PSG6: variants seen among roughly 807,000 people sequenced by gnomAD.
PSG6 encodes pregnancy specific beta-1-glycoprotein 6, also known as pregnancy-specific beta-1-glycoprotein 6.
PSG6 carries 51 observed loss-of-function variants against 43.3 expected under a neutral mutation model. The ratio of observed to expected loss-of-function variants is 1.18; its 90% CI spans 0.94 to 1.49. The LOEUF (loss-of-function observed/expected upper bound fraction) is 1.49, where lower values mean the gene tolerates loss of function less well. Among genes scored for constraint, PSG6 ranks in the 40% most tolerant of loss-of-function variants. The pLI, the probability that PSG6 is intolerant of heterozygous loss-of-function variation, is 0.00. For missense variants in PSG6, 770 were observed against 522.2 expected (o/e 1.47, Z -4.62); for synonymous variants, 292 against 197.6 (o/e 1.48, Z -4.01).
At chr19:42,915,071 G>T (rs1417686748) in intron 2 of PSG6, among the ~76,000 whole-genome samples, 4 of 151,560 alleles carry the variant, frequency 2.6e-5, no homozygotes, top group African/African-American at 9.7e-5. Flanking sequence ...TGACTATGGG[G>T]TCCTTGGAAC....
At chr19:42,905,403 A>G (rs989618618) in intron 5 of PSG6, among the ~76,000 whole-genome samples, 5 of 151,704 alleles carry the variant, frequency 3.3e-5, no homozygotes, top group African/African-American at 9.7e-5. Flanking sequence ...AACAACAACA[A>G]TGACAGCAAC....
At chr19:42,913,962 C>T (rs1255724079) in intron 2 of PSG6, among the ~76,000 whole-genome samples, 4 of 151,742 alleles carry the variant, frequency 2.6e-5, no homozygotes, top group Non-Finnish European at 5.9e-5. Context: ...AATAAACCTC[C>T]ACCCTCCTGT....
chr19:42,903,423 A>G (rs1218249899), intron 5 of PSG6, among the ~76,000 whole-genome samples: 2 of 151,566 alleles, frequency 1.3e-5, no homozygotes, highest in African/African-American at 4.9e-5. Context: ...AGCACAGTGA[A>G]TGAGGGAAAT....
chr19:42,906,871 A>G, intron 5 of PSG6, 51 bp downstream of exon 5: 1 of 1,611,456 alleles, frequency 6.2e-7, no homozygotes, highest in Non-Finnish European at 8.5e-7. Flanking sequence ...TCTGAAAGCC[A>G]GATAGACTCC....
chr19:42,909,507 A>G (rs969070772), intron 3 of PSG6, among the ~76,000 whole-genome samples: 2 of 151,584 alleles, frequency 1.3e-5, no homozygotes, highest in African/African-American at 4.8e-5. Flanking sequence ...ATTGGGTAGT[A>G]TTGCCTTTCT....
intron 2 of PSG6, among the ~76,000 whole-genome samples, chr19:42,914,773 G>T (rs1972293441): frequency 6.6e-6 from 1 of 151,656 alleles, no homozygotes. Flanking sequence ...GCTCCTGAGT[G>T]TGTCTCTCTC....
In PSG6 at chr19:42,903,743, A is replaced by G. The variant is rs1972070789; in HGVS notation, c.1241-1297T>C. On this transcript the variant is annotated intron_variant, in intron 5 of 5. Transcript: ENST00000187910. ...GTCTCTACAAAAAAAAAAAAAACCAATTAGCTGGGCATGTTGACATGCACC... is the reference window on the plus strand; with the variant it reads ...GTCTCTACAAAAAAAAAAAAAACCAGTTAGCTGGGCATGTTGACATGCACC... 4.1e-5 allele frequency: 62 copies of G among 1,517,022 alleles called. 1 individual carries two copies. The highest frequency in any genetic ancestry group is 5.4e-5 in the Non-Finnish European group (61 of 1,135,274). 94.0% of individuals were successfully genotyped at this position (1,517,022 alleles called of 1,614,324 possible). A position where few individuals can be genotyped will look rare whatever the true frequency, so the allele number is the denominator to read the frequency against.
rs1972044346 is a variant in PSG6, at chr19:42,902,146, A to G, written c.*266T>C. 2.5e-6 allele frequency: 1 copy of G among 405,214 alleles called. No homozygotes were observed. The highest frequency in any genetic ancestry group is 4.6e-5 in the East Asian group (1 of 21,534). 25.1% of individuals were successfully genotyped at this position (405,214 alleles called of 1,614,324 possible). On this transcript the variant is annotated 3_prime_UTR_variant, in exon 6 of 6. Coordinates refer to ENST00000187910, the MANE Select transcript of PSG6 (RefSeq NM_001031850.4). ...ATGAATACTCATGAATAGTTTCCCA[A>G]TTCTGGGGCACTCAGATAGAGAGCA...
intron 2 of PSG6, among the ~76,000 whole-genome samples, chr19:42,914,983 A>G (rs1221142512): frequency 6.6e-5 from 10 of 151,736 alleles, no homozygotes; most frequent in African/African-American, 9.7e-5. Context: ...GTTCTGGAGT[A>G]CAGACTAATC....
At chr19:42,912,055 A>G (rs935445439) in intron 2 of PSG6, among the ~76,000 whole-genome samples, 1 of 151,654 alleles carries the variant, frequency 6.6e-6, no homozygotes, top group Non-Finnish European at 1.5e-5. Flanking sequence ...TTGGATTTCT[A>G]ATTTTTTTTA....
At chr19:42,906,215 C>T (rs188531740) in intron 5 of PSG6, among the ~76,000 whole-genome samples, 57 of 151,712 alleles carry the variant, frequency 3.8e-4, no homozygotes, top group African/African-American at 1.3e-3. Flanking sequence ...TGCCCAAAGC[C>T]TCATACAGCT....
At position 42,915,724 on chromosome 19, in the gene PSG6, C is replaced by T. The variant is rs1600550487; in HGVS notation, c.427+401G>A. ...TTTACCTGGAGCAAGGATTTAGGGA[C>T]AGGGGTCTGGGATTGAGGCTTCCAG... is the stretch of plus-strand genomic sequence containing the variant. On this transcript the variant is annotated intron_variant, in intron 2 of 5. Transcript: ENST00000187910. 1.0e-5 allele frequency: 3 copies of T among 294,344 alleles called. 1 individual carries two copies. The Middle Eastern group carries it at 2.9e-3, about 280-fold the overall frequency. The allele number at this position is 294,344 out of a possible 1,614,324, so 18.2% of individuals were successfully genotyped here.
At chr19:42,911,156 C>G (rs1343052760) in intron 2 of PSG6, among the ~76,000 whole-genome samples, 1 of 151,616 alleles carries the variant, frequency 6.6e-6, no homozygotes, top group Non-Finnish European at 1.5e-5. Context: ...CTGAGTCCCT[C>G]CGTCTCCAAC....
chr19:42,909,175 T>A (rs1238674865), intron 3 of PSG6, among the ~76,000 whole-genome samples: 1 of 151,630 alleles, frequency 6.6e-6, no homozygotes, highest in Non-Finnish European at 1.5e-5. Flanking sequence ...TAGGCAAAAG[T>A]GGGAGGTGAT....
intron 2 of PSG6, among the ~76,000 whole-genome samples, chr19:42,913,162 A>AGGT (rs1568446479): frequency 2.0e-5 from 3 of 149,658 alleles, no homozygotes; most frequent in Admixed American, 6.7e-5. Context: ...CTCTAACAGC[A>AGGT]TTTTTTTTTC....
intron 5 of PSG6, among the ~76,000 whole-genome samples, chr19:42,906,087 A>T (rs552415936): frequency 6.6e-6 from 1 of 151,574 alleles, no homozygotes; most frequent in Admixed American, 6.6e-5. Flanking sequence ...TGCCCTCTCT[A>T]TAATTACACA....
intron 5 of PSG6, 103 bp from the exon 6 acceptor site, chr19:42,902,549 C>A: frequency 6.7e-7 from 1 of 1,503,138 alleles, no homozygotes. Context: ...GAAAGCAAGT[C>A]TAGTTCTCCG....
At chr19:42,911,688 A>T (rs542194901) in intron 2 of PSG6, among the ~76,000 whole-genome samples, 1 of 151,860 alleles carries the variant, frequency 6.6e-6, no homozygotes, top group East Asian at 1.9e-4. Context: ...TGACTGGTGG[A>T]AAGGGCAAAC....
intron 2 of PSG6, chr19:42,915,252 CT>C (rs66496715): frequency 0.31 from 47,400 of 151,372 alleles, 8,289 homozygotes; most frequent in South Asian, 0.46. Context: ...TGGACTGTGG[CT>C]TTTCATGCTA....
Sources: gnomAD v4.1 joint callset for allele counts (sites outside exome capture counted in the v4.1 genomes callset) on GRCh38, gnomAD v4.1.1 for gene constraint, MANE v1.5 for transcripts, NCBI Gene and HGNC (gene_info 2026-07-23, HGNC 2026-07-21) for gene names.